PCDH9: variants seen among roughly 807,000 people sequenced by gnomAD.
PCDH9 encodes the protein protocadherin-9.
Under a neutral mutation model 70.6 loss-of-function variants are expected in PCDH9, and 24 were observed. The observed-to-expected ratio is 0.34, with a 90% confidence interval of 0.25 to 0.48. The LOEUF (loss-of-function observed/expected upper bound fraction) is 0.48, where lower values mean the gene tolerates loss of function less well. Ranked by LOEUF, PCDH9 falls within the 20% of genes least tolerant of loss-of-function variation. The pLI is 0.99. For synonymous variants in PCDH9, 562 were observed against 558.5 expected (o/e 1.01, Z -0.09); for missense variants, 1,281 against 1,503.6 (o/e 0.85, Z 2.45).
chr13:66,826,311 T>C (rs1291342400), intron 3 of PCDH9, among the ~76,000 whole-genome samples: 1 of 152,136 alleles, frequency 6.6e-6, no homozygotes, highest in Admixed American at 6.5e-5. Context: ...TAGTTTTTGG[T>C]TTTTTGGTTT....
chr13:66,383,290 G>A (rs75855750), intron 4 of PCDH9, among the ~76,000 whole-genome samples: 1,645 of 152,114 alleles, frequency 0.011, 33 homozygotes, highest in African/African-American at 0.038. Context: ...CTCCTTCTTC[G>A]TACATATTTT....
intron 4 of PCDH9, among the ~76,000 whole-genome samples, chr13:66,549,167 AT>A (rs1429360362): frequency 1.3e-5 from 2 of 152,256 alleles, no homozygotes; most frequent in Non-Finnish European, 2.9e-5. Flanking sequence ...AAATATATAC[AT>A]GTGTATATAT....
At chr13:67,017,746 C>A (rs2084591050) in intron 2 of PCDH9, among the ~76,000 whole-genome samples, 2 of 152,132 alleles carry the variant, frequency 1.3e-5, no homozygotes, top group Admixed American at 6.5e-5. Context: ...TTAAAAAAAT[C>A]ATTGCAATGA....
At chr13:66,732,631 C>A (rs1593970113) in intron 3 of PCDH9, among the ~76,000 whole-genome samples, 1 of 152,022 alleles carries the variant, frequency 6.6e-6, no homozygotes, top group African/African-American at 2.4e-5. Flanking sequence ...GTTTCCTTTT[C>A]TTACCTGTGT....
In PCDH9 at chr13:67,172,703, C is replaced by A. The variant is rs1310017591; in HGVS notation, c.3036+52702G>T. Among the ~76,000 whole-genome samples the A allele has an allele frequency of 3.9e-5, 6 of 151,910 alleles. No individual in the cohort carries two copies. In the South Asian group the frequency reaches 6.2e-4, roughly 16 times the overall value. On this transcript the variant is annotated intron_variant, in intron 2 of 4. Coordinates refer to ENST00000377865, the MANE Select transcript of PCDH9 (RefSeq NM_203487.3). ...CACCAGCCTGACCAAAAAGGGGAAA[C>A]CCCATCTCTACTAAAAATACAAAAA...
intron 4 of PCDH9, among the ~76,000 whole-genome samples, chr13:66,566,833 G>A (rs1470165656): frequency 6.6e-6 from 1 of 151,910 alleles, no homozygotes; most frequent in Non-Finnish European, 1.5e-5. Context: ...AATTTTTGAT[G>A]CATTCATTTA....
At chr13:66,510,109 G>T (rs2138581756) in intron 4 of PCDH9, among the ~76,000 whole-genome samples, 1 of 151,918 alleles carries the variant, frequency 6.6e-6, no homozygotes, top group African/African-American at 2.4e-5. Context: ...TTCCTTTCAG[G>T]TTTATATGTG....
chr13:66,455,863 A>G (rs1407026501), intron 4 of PCDH9, among the ~76,000 whole-genome samples: 1 of 152,186 alleles, frequency 6.6e-6, no homozygotes, highest in African/African-American at 2.4e-5. Flanking sequence ...AAGAAAGGAA[A>G]GAAAATAAAA....
intron 3 of PCDH9, among the ~76,000 whole-genome samples, chr13:66,699,791 A>G (rs2078613272): frequency 1.3e-5 from 2 of 152,160 alleles, no homozygotes; most frequent in South Asian, 4.1e-4. Context: ...ACCCCACAAC[A>G]TTACTACCAA....
chr13:67,193,212 G>A (rs906940977), intron 2 of PCDH9, among the ~76,000 whole-genome samples: 2 of 152,018 alleles, frequency 1.3e-5, no homozygotes, highest in Admixed American at 6.6e-5. Flanking sequence ...AAAGATGTCT[G>A]AAAAATTAAG....
rs574923197 is a variant in PCDH9 at position 66,393,285 on chromosome 13, A to G, written c.3341-88257T>C. ...GTAGCCACTTATCTACACAGGCAAG[A>G]TAAGTAATGATTTGTGTTGTAAGAA... On this transcript the variant is annotated intron_variant, in intron 4 of 4. Coordinates refer to ENST00000377865, the MANE Select transcript of PCDH9 (RefSeq NM_203487.3). 9.8e-5 allele frequency among the ~76,000 whole-genome samples: 15 copies of G among 152,332 alleles called. No homozygotes were observed. In the East Asian group the frequency reaches 1.9e-3, roughly 20 times the overall value.
chr13:67,197,476 T>C (rs1221589645), intron 2 of PCDH9, among the ~76,000 whole-genome samples: 2 of 152,038 alleles, frequency 1.3e-5, no homozygotes, highest in Non-Finnish European at 2.9e-5. Context: ...AAGAGTTGCA[T>C]TGAGAGCCCA....
chr13:66,364,901 G>A (rs1468402242), intron 4 of PCDH9, among the ~76,000 whole-genome samples: 1 of 152,110 alleles, frequency 6.6e-6, no homozygotes, highest in Admixed American at 6.6e-5. Context: ...GTCAAATAGA[G>A]GCTCTGATGC....
chr13:66,631,448 C>T, intron 3 of PCDH9, 37 bp from the exon 4 acceptor site: 2 of 1,218,706 alleles, frequency 1.6e-6, no homozygotes, highest in Non-Finnish European at 2.4e-6. Flanking sequence ...GATTAACACT[C>T]CTCTCAAATA....
Position 66,491,488 on chromosome 13 carries a change from T to C in PCDH9, c.3340+139722A>G, listed in dbSNP as rs75883600. Among the ~76,000 whole-genome samples the C allele has an allele frequency of 6.9e-3, 1,041 of 151,898 alleles. 34 individuals are homozygous for C. The East Asian group carries it at 0.091, about 13-fold the overall frequency. ...ACAGTACTGTGATCAGCGAGGAATG[T>C]AAATATCCCATATTAGAGCGTTAAG... On this transcript the variant is annotated intron_variant, in intron 4 of 4. Coordinates refer to ENST00000377865, the MANE Select transcript of PCDH9 (RefSeq NM_203487.3).
At chr13:66,363,296 T>C (rs1956501250) in intron 4 of PCDH9, among the ~76,000 whole-genome samples, 1 of 152,194 alleles carries the variant, frequency 6.6e-6, no homozygotes, top group South Asian at 2.1e-4. Context: ...AGATCTTTAA[T>C]TTTTCCTCAT....
chr13:67,146,002 T>G (rs967589438), intron 2 of PCDH9, among the ~76,000 whole-genome samples: 10 of 152,124 alleles, frequency 6.6e-5, no homozygotes, highest in Non-Finnish European at 8.8e-5. Flanking sequence ...GCAATAAGTT[T>G]AAGAATTAAT....
chr13:66,884,274 C>T (rs2081970935), intron 3 of PCDH9, among the ~76,000 whole-genome samples: 2 of 152,128 alleles, frequency 1.3e-5, no homozygotes, highest in Admixed American at 6.6e-5. Context: ...TAAAATTCAT[C>T]CACTACTGGT....
At chr13:66,727,564 T>C (rs1182878179) in intron 3 of PCDH9, among the ~76,000 whole-genome samples, 1 of 152,170 alleles carries the variant, frequency 6.6e-6, no homozygotes, top group Non-Finnish European at 1.5e-5. Flanking sequence ...AAATATATTA[T>C]ATTTTTGTGG....
Sources: allele counts gnomAD v4.1 joint callset (sites outside exome capture counted in the v4.1 genomes callset), GRCh38; gene constraint gnomAD v4.1.1; transcripts MANE v1.5; gene names NCBI Gene and HGNC (gene_info 2026-07-23, HGNC 2026-07-21).